The following EMC1 variants were observed in gnomAD, a reference collection of about 807,000 sequenced individuals.
EMC1 encodes KIAA0090.
EMC1 carries 103 observed loss-of-function variants against 128.8 expected under a neutral mutation model. The observed-to-expected ratio is 0.80, with a 90% confidence interval of 0.68 to 0.94. EMC1 has a LOEUF of 0.94. EMC1 is among the 40% of genes least tolerant of loss of function. The pLI is 0.00. For missense variants in EMC1, 1,083 were observed against 1,250.6 expected (o/e 0.87, Z 2.02); for synonymous variants, 442 against 490.4 (o/e 0.90, Z 1.30).
intron 19 of EMC1, chr1:19,223,106 ATTG>A: frequency 3.6e-6 from 2 of 558,084 alleles, no homozygotes; most frequent in Non-Finnish European, 6.3e-6. Flanking sequence ...GGTGCCAGGC[ATTG>A]TTCTTTGCTA....
At position 19,244,004 on chromosome 1, in the gene EMC1, C is replaced by T; in HGVS notation, c.232G>A (p.Val78Ile). The T allele has an allele frequency of 6.2e-7, 1 of 1,614,148 alleles. No individual in the cohort carries two copies. The highest frequency in any genetic ancestry group is 8.5e-7 in the Non-Finnish European group (1 of 1,180,036). Residue 78 changes from valine (V) to isoleucine (I), a missense_variant, in exon 3 of 23, where the codon GTT (valine) becomes ATT (isoleucine). By Grantham distance (29) the Val-to-Ile change is conservative (BLOSUM62 3). Around this residue, in one of 3 missense-constraint regions of EMC1, gnomAD observed 544 missense variants for 572.4 expected, o/e 0.95. Coordinates refer to ENST00000477853, the MANE Select transcript of EMC1 (RefSeq NM_015047.3). ...GCCCCTTCTGCCGTGCCCTTGTCAA[C>T]ATGGCGCCACACTGAGAGACATGAA... The part of the protein sequence containing the change: ...SRTGEILWRH[V>I]DKGTAEGAVD...
At chr1:19,225,035 C>T (rs997041762) in intron 18 of EMC1, among the ~76,000 whole-genome samples, 1 of 152,190 alleles carries the variant, frequency 6.6e-6, no homozygotes, top group East Asian at 1.9e-4. Context: ...TCCCTCTTCC[C>T]GGCTTTATTT....
chr1:19,234,728 C>T (rs2093550306), intron 13 of EMC1, among the ~76,000 whole-genome samples: 1 of 152,108 alleles, frequency 6.6e-6, no homozygotes, highest in Admixed American at 6.6e-5. Flanking sequence ...TGCCTGTAAT[C>T]CCAGCTACTC....
intron 21 of EMC1, 65 bp downstream of exon 21, chr1:19,220,699 A>C: frequency 7.6e-7 from 1 of 1,322,436 alleles, no homozygotes; most frequent in Non-Finnish European, 1.1e-6. Flanking sequence ...CCAAGAACCA[A>C]GCTTAATCAG....
In EMC1 at chr1:19,231,263, T is replaced by C. The variant is rs768197058; in HGVS notation, c.1942A>G (p.Lys648Glu). The change falls in exon 16 of 23, where the codon AAG becomes GAG. Residue 648 changes from lysine to glutamate, a missense_variant and splice_region_variant. By Grantham distance (56) the Lys-to-Glu change is moderately conservative (BLOSUM62 1). Around this residue, in one of 3 missense-constraint regions of EMC1, gnomAD observed 527 missense variants for 644.1 expected, o/e 0.82. Coordinates refer to ENST00000477853, the MANE Select transcript of EMC1 (RefSeq NM_015047.3). ...TCCATCCCCTCTGAAGACAGTACCT[T>C]GTATTCATCATCTATCAACAGCAAC... ...KVLLLIDDEY[K>E]VTAFPATRNV... 1.3e-6 allele frequency: 2 copies of C among 1,596,470 alleles called. No individual in the cohort carries two copies. The highest frequency in any genetic ancestry group is 2.3e-5 in the South Asian group (2 of 88,032).
chr1:19,222,858 T>A (rs772791238), intron 19 of EMC1, 24 bp from the exon 20 acceptor site: 2 of 1,567,036 alleles, frequency 1.3e-6, no homozygotes, highest in Non-Finnish European at 1.7e-6. Context: ...AGGTGGCAGC[T>A]CAGGGCTTAG....
In EMC1 at chr1:19,251,478, A is replaced by C; in HGVS notation, c.32T>G (p.Leu11Arg). 1 of 1,614,188 alleles carries C rather than the reference A, an allele frequency of 6.2e-7. No individual in the cohort carries two copies. The highest frequency in any genetic ancestry group is 8.5e-7 in the Non-Finnish European group (1 of 1,180,036). Residue 11 changes from leucine (L) to arginine (R), a missense_variant, in exon 1 of 23, where the codon CTT becomes CGT. Physicochemically the swap from Leu to Arg is moderately radical, Grantham distance 102. Around this residue, in one of 3 missense-constraint regions of EMC1, gnomAD observed 544 missense variants for 572.4 expected, o/e 0.95. Transcript: ENST00000477853. MAAEWASRFW[L>R]WATLLIPAAA... is the part of the protein sequence containing the mutation. ...CGCAGGAATCAGCAGCGTAGCCCAA[A>C]GCCAGAAACGAGAAGCCCACTCAGC...
At position 19,216,680 on chromosome 1, in the gene EMC1, A is replaced by G. The variant is rs1386364933; in HGVS notation, c.*2623T>C. On this transcript the variant is annotated 3_prime_UTR_variant, in exon 23 of 23. Coordinates refer to ENST00000477853, the MANE Select transcript of EMC1 (RefSeq NM_015047.3). The stretch of plus-strand genomic sequence containing the variant: ...CTCATATACGTAATTAATGAATACT[A>G]AAACAAACTAGTTTTTGTTTTTGTT... 1 of 152,194 alleles carries G rather than the reference A, an allele frequency of 6.6e-6. No homozygotes were observed. Among genetic ancestry groups the G allele is most frequent in the Non-Finnish European group, 1.5e-5 (1 of 68,044 alleles). The allele number at this position is 152,194 out of a possible 1,614,324, so 9.4% of individuals were successfully genotyped here. A position where few individuals can be genotyped will look rare whatever the true frequency, so the allele number is the denominator to read the frequency against.
chr1:19,225,259 G>A (rs977927530), intron 18 of EMC1, among the ~76,000 whole-genome samples: 1 of 152,180 alleles, frequency 6.6e-6, no homozygotes, highest in African/African-American at 2.4e-5. Context: ...GCTCATGCCT[G>A]TAATCCTAAC....
Position 19,241,038 on chromosome 1 carries a change from T to C in EMC1, c.614A>G (p.Glu205Gly). Residue 205 changes from glutamate to glycine, a missense_variant, in exon 6 of 23, where the codon GAA becomes GGA. By Grantham distance (98) the Glu-to-Gly change is moderately conservative. This residue lies in a region of EMC1 where 544 missense variants were observed against 572.4 expected (regional missense o/e 0.95). Transcript: ENST00000477853. ...SHVNIVKFNV[E>G]DGEIVQQVRV... ...TACCTGCTGAACAATCTCTCCATCT[T>C]CCACATTAAACTTGACAATGTTCAC... is the stretch of plus-strand genomic sequence containing the variant. The C allele has an allele frequency of 6.2e-7, 1 of 1,614,052 alleles. No individual in the cohort carries two copies. Among genetic ancestry groups the C allele is most frequent in the Non-Finnish European group, 8.5e-7 (1 of 1,180,018 alleles).
At chr1:19,223,829 G>A (rs781184863) in intron 18 of EMC1, among the ~76,000 whole-genome samples, 6 of 152,160 alleles carry the variant, frequency 3.9e-5, no homozygotes, top group Non-Finnish European at 5.9e-5. Flanking sequence ...ACATTTTGCA[G>A]AAAAGTCCCA....
intron 2 of EMC1, chr1:19,244,648 T>C (rs1449657330): frequency 8.8e-6 from 3 of 340,924 alleles, no homozygotes; most frequent in Non-Finnish European, 1.7e-5. Context: ...CAAGTGATCC[T>C]CCCGCCTGGG....
In EMC1 at chr1:19,219,659, T is replaced by C; in HGVS notation, c.2712A>G (p.Ile904Met). Residue 904 changes from isoleucine (I) to methionine (M), a missense_variant, in exon 22 of 23, where the codon ATA becomes ATG. Physicochemically the swap from Ile to Met is conservative, Grantham distance 10. This residue lies in a region of EMC1 where 527 missense variants were observed against 644.1 expected (regional missense o/e 0.82). Coordinates refer to ENST00000477853, the MANE Select transcript of EMC1 (RefSeq NM_015047.3). The part of the protein sequence containing the change: ...NLIPYSPDVQ[I>M]HAERFINYNQ... ...TATAGTTGATGAATCGCTCTGCGTG[T>C]ATCTGTACATCTGGAGAATACGGGA... 1 of 1,614,056 alleles carries C rather than the reference T, an allele frequency of 6.2e-7. No homozygotes were observed. Among genetic ancestry groups the C allele is most frequent in the Non-Finnish European group, 8.5e-7 (1 of 1,180,012 alleles).
chr1:19,227,049 A>G (rs896356175), intron 18 of EMC1, among the ~76,000 whole-genome samples: 41 of 152,132 alleles, frequency 2.7e-4, no homozygotes, highest in African/African-American at 9.4e-4. Context: ...AACAAAAAAA[A>G]AGTCAAAAAA....
At chr1:19,239,766 A>G (rs2093592720) in intron 8 of EMC1, 52 bp downstream of exon 8, 1 of 1,573,296 alleles carries the variant, frequency 6.4e-7, no homozygotes, top group Non-Finnish European at 8.7e-7. Flanking sequence ...TCTAGCATCC[A>G]TGTCTTGGAG....
chr1:19,239,606 T>C (rs888272462), intron 8 of EMC1: 1 of 592,348 alleles, frequency 1.7e-6, no homozygotes, highest in Non-Finnish European at 3.0e-6. Context: ...AGGAAGGCAC[T>C]AGTTTTGCTC....
At chr1:19,234,447 A>G (rs1321533835) in intron 13 of EMC1, among the ~76,000 whole-genome samples, 1 of 152,220 alleles carries the variant, frequency 6.6e-6, no homozygotes, top group African/African-American at 2.4e-5. Flanking sequence ...GATCAACCCA[A>G]TGGTGTCTCC....
chr1:19,245,377 G>T (rs1418794198), intron 1 of EMC1, among the ~76,000 whole-genome samples: 2 of 152,040 alleles, frequency 1.3e-5, no homozygotes, highest in Admixed American at 1.3e-4. Context: ...GGAGGCGGAG[G>T]TTGCAGTGAG....
Position 19,219,044 on chromosome 1 carries a change from C to T in EMC1, c.*259G>A, listed in dbSNP as rs532658765. On this transcript the variant is annotated 3_prime_UTR_variant, in exon 23 of 23. Transcript: ENST00000477853. ...CAAAGAAAGGAAACAATGCAGACGC[C>T]TTTGGACTTCAAGAGAAAGCCCATC... is the stretch of plus-strand genomic sequence containing the variant. 1.4e-5 allele frequency: 6 copies of T among 418,064 alleles called. No homozygotes were observed. The highest frequency in any genetic ancestry group is 2.6e-5 in the Non-Finnish European group (6 of 231,326). The allele number at this position is 418,064 out of a possible 1,614,324, so 25.9% of individuals were successfully genotyped here.
Sources: gnomAD v4.1 joint callset for allele counts (sites outside exome capture counted in the v4.1 genomes callset) on GRCh38, gnomAD v4.1.1 for gene constraint, gnomAD v4.1.1 regional missense constraint, MANE v1.5 for transcripts, NCBI Gene and HGNC (gene_info 2026-07-23, HGNC 2026-07-21) for gene names.